The following CTNND2 variants were observed in gnomAD, a reference collection of about 807,000 sequenced individuals.
The protein encoded by CTNND2 is catenin delta-2.
In CTNND2, 22 loss-of-function variants were observed where a neutral mutation model predicts 144.4. That is an observed-to-expected ratio of 0.15 (90% CI 0.11 to 0.22). CTNND2 has a LOEUF of 0.22. Among genes scored for constraint, CTNND2 ranks in the 10% least tolerant of loss-of-function variants. The pLI is 1.00. For missense variants in CTNND2, 1,353 were observed against 1,618.8 expected (o/e 0.84, Z 2.82); for synonymous variants, 751 against 695.6 (o/e 1.08, Z -1.25).
intron 9 of CTNND2, among the ~76,000 whole-genome samples, chr5:11,310,744 C>T (rs1336866533): frequency 6.6e-6 from 1 of 151,676 alleles, no homozygotes; most frequent in Non-Finnish European, 1.5e-5. Context: ...TCACACACTC[C>T]CCAAGCACTC....
intron 10 of CTNND2, among the ~76,000 whole-genome samples, chr5:11,218,081 C>G (rs937293693): frequency 6.7e-6 from 1 of 149,732 alleles, no homozygotes; most frequent in Non-Finnish European, 1.5e-5. Flanking sequence ...CTTCCTTTTC[C>G]TCTTCATCTG....
chr5:11,271,814 G>A (rs1422197461), intron 9 of CTNND2, among the ~76,000 whole-genome samples: 2 of 152,214 alleles, frequency 1.3e-5, no homozygotes, highest in East Asian at 1.9e-4. Flanking sequence ...GTCTGGGAGC[G>A]GGTGTGGGGG....
chr5:11,099,974 CATAT>C (rs1322879161), intron 14 of CTNND2, among the ~76,000 whole-genome samples: 2 of 150,324 alleles, frequency 1.3e-5, no homozygotes, highest in Admixed American at 6.6e-5. Context: ...TATGTACATA[CATAT>C]ATGTGCATGT....
chr5:11,722,291 T>C (rs1312907681), intron 2 of CTNND2, among the ~76,000 whole-genome samples: 1 of 152,116 alleles, frequency 6.6e-6, no homozygotes, highest in African/African-American at 2.4e-5. Flanking sequence ...ACACAAATCC[T>C]CCCAGCATTT....
chr5:11,057,103 C>T (rs1251898879), intron 16 of CTNND2, among the ~76,000 whole-genome samples: 4 of 152,332 alleles, frequency 2.6e-5, no homozygotes, highest in Non-Finnish European at 5.9e-5. Context: ...AATCTCTCCT[C>T]CAGCTCAGGT....
intron 2 of CTNND2, among the ~76,000 whole-genome samples, chr5:11,568,187 TC>T (rs764270709): frequency 5.8e-4 from 89 of 152,162 alleles, no homozygotes; most frequent in Non-Finnish European, 9.4e-4. Flanking sequence ...GATGGTTCTT[TC>T]CCTGGTCTCT....
intron 16 of CTNND2, among the ~76,000 whole-genome samples, chr5:11,051,106 C>A (rs571515430): frequency 2.0e-5 from 3 of 152,312 alleles, no homozygotes; most frequent in East Asian, 1.9e-4. Flanking sequence ...AGAACAAAAG[C>A]GCATTCATTC....
In CTNND2 at chr5:11,344,267, C is replaced by T. The variant is rs375685221; in HGVS notation, c.1628+2105G>A. Among the ~76,000 whole-genome samples the T allele has an allele frequency of 2.1e-3, 320 of 152,270 alleles. 9 individuals carry two copies. In the South Asian group the frequency reaches 0.04, roughly 19 times the overall value. On this transcript the variant is annotated intron_variant, in intron 9 of 21. Transcript: ENST00000304623. Reference sequence around the variant, plus strand: ...ATTAGCCGGGCGCGGTGGCGGGCGCCTGTAGTCCCAGCTACTCGGGAGGCT... The same window carrying T: ...ATTAGCCGGGCGCGGTGGCGGGCGCTTGTAGTCCCAGCTACTCGGGAGGCT...
At chr5:11,389,779 C>T (rs1339978015) in intron 6 of CTNND2, among the ~76,000 whole-genome samples, 1 of 152,144 alleles carries the variant, frequency 6.6e-6, no homozygotes, top group Non-Finnish European at 1.5e-5. Context: ...CCAAAAATCC[C>T]AAACATTTTG....
At chr5:11,002,504 A>G (rs932639801) in intron 18 of CTNND2, among the ~76,000 whole-genome samples, 65 of 152,338 alleles carry the variant, frequency 4.3e-4, no homozygotes, top group African/African-American at 1.5e-3. Context: ...TCCATGTAAT[A>G]GAGTTTAGAG....
At chr5:11,812,096 G>A (rs1792365555) in intron 1 of CTNND2, among the ~76,000 whole-genome samples, 1 of 152,088 alleles carries the variant, frequency 6.6e-6, no homozygotes, top group Admixed American at 6.5e-5. Flanking sequence ...GTTCCAAATA[G>A]TCAAAACTCC....
intron 16 of CTNND2, among the ~76,000 whole-genome samples, chr5:11,049,363 A>T (rs995496788): frequency 2.0e-5 from 3 of 152,188 alleles, no homozygotes; most frequent in Non-Finnish European, 4.4e-5. Context: ...ATTTCCTCTC[A>T]CTTGTCTGTG....
Position 11,443,407 on chromosome 5 carries a change from G to T in CTNND2, c.288-31338C>A, listed in dbSNP as rs1483619150. On this transcript the variant is annotated intron_variant, in intron 3 of 21. Coordinates refer to ENST00000304623, the MANE Select transcript of CTNND2 (RefSeq NM_001332.4). Reference sequence around the variant, plus strand: ...GGGGGGTGTGTGGTGTGTGTGTGGGGGGGGTGTGTGGTGTGTGTGTGTGGG... The same window carrying T: ...GGGGGGTGTGTGGTGTGTGTGTGGGTGGGGTGTGTGGTGTGTGTGTGTGGG... Among the ~76,000 whole-genome samples, 21 of 61,154 alleles carry T rather than the reference G, an allele frequency of 3.4e-4. 2 individuals are homozygous for T. Among genetic ancestry groups the T allele is most frequent in the African/African-American group, 1.1e-3 (18 of 15,862 alleles). The allele number at this position is 61,154 out of a possible 152,430, so 40.1% of individuals were successfully genotyped here. A position where few individuals can be genotyped will look rare whatever the true frequency, so the allele number is the denominator to read the frequency against.
At chr5:11,123,322 G>A (rs927691357) in intron 12 of CTNND2, among the ~76,000 whole-genome samples, 1 of 152,190 alleles carries the variant, frequency 6.6e-6, no homozygotes, top group African/African-American at 2.4e-5. Flanking sequence ...AAGAGCATAT[G>A]GTTCTTTTCA....
chr5:11,128,767 TA>T (rs1561349509), intron 12 of CTNND2, among the ~76,000 whole-genome samples: 3 of 44,156 alleles, frequency 6.8e-5, no homozygotes, highest in Non-Finnish European at 9.0e-5. Context: ...TAAATATATA[TA>T]TTATATATAA....
intron 10 of CTNND2, among the ~76,000 whole-genome samples, chr5:11,211,146 T>C (rs1561027594): frequency 6.6e-6 from 1 of 152,110 alleles, no homozygotes; most frequent in Non-Finnish European, 1.5e-5. Context: ...TAGGGTGTGA[T>C]GGTGTTGCCG....
chr5:11,657,327 C>T (rs1316233410), intron 2 of CTNND2, among the ~76,000 whole-genome samples: 1 of 151,972 alleles, frequency 6.6e-6, no homozygotes, highest in Non-Finnish European at 1.5e-5. Flanking sequence ...TAAGTCTAAA[C>T]CAGCTTTTCC....
intron 1 of CTNND2, among the ~76,000 whole-genome samples, chr5:11,764,209 T>TA (rs1419041704): frequency 6.6e-6 from 1 of 152,114 alleles, no homozygotes; most frequent in African/African-American, 2.4e-5. Flanking sequence ...AGGCAGCCTC[T>TA]AGAAGTCAGA....
chr5:11,123,870 T>C (rs778023116), intron 12 of CTNND2, among the ~76,000 whole-genome samples: 6 of 152,194 alleles, frequency 3.9e-5, no homozygotes, highest in African/African-American at 1.4e-4. Flanking sequence ...ATGTGATGTA[T>C]AGACTCTGAA....
Sources: allele counts gnomAD v4.1 joint callset (sites outside exome capture counted in the v4.1 genomes callset), GRCh38; gene constraint gnomAD v4.1.1; transcripts MANE v1.5; gene names NCBI Gene and HGNC (gene_info 2026-07-23, HGNC 2026-07-21).